GNA11: variants seen among roughly 807,000 people sequenced by gnomAD.
GNA11 encodes the protein G protein subunit alpha 11.
GNA11 carries 8 observed loss-of-function variants against 38.2 expected under a neutral mutation model. The ratio of observed to expected loss-of-function variants is 0.21; its 90% confidence interval spans 0.12 to 0.38. GNA11 has a LOEUF of 0.38. Ranked by LOEUF, GNA11 falls within the 10% of genes least tolerant of loss-of-function variation. The pLI is 1.00. For missense variants in GNA11, 268 were observed against 516.3 expected, an observed-to-expected ratio of 0.52 and a Z score of 4.66; for synonymous variants, 211 against 221.4, an observed-to-expected ratio of 0.95 and a Z score of 0.42.
chr19:3,095,767 C>T (rs2145301533), intron 1 of GNA11, among the ~76,000 whole-genome samples: 1 of 152,142 alleles, frequency 6.6e-6, no homozygotes, highest in East Asian at 1.9e-4. Flanking sequence ...CGCCCCCTTC[C>T]TTAGAGTCCT....
chr19:3,113,388 A>C lies in GNA11; in HGVS notation c.380A>C (p.Gln127Pro). Reference protein sequence around the residue: ...DVEKVTTFEHQYVSAIKTLWE... With the variant: ...DVEKVTTFEHPYVSAIKTLWE... ...GAGAAGGTGACCACCTTCGAGCATCAGTACGTCAGTGCCATCAAGACCCTG... is the reference window on the plus strand; with the variant it reads ...GAGAAGGTGACCACCTTCGAGCATCCGTACGTCAGTGCCATCAAGACCCTG... Residue 127 changes from glutamine to proline, a missense_variant, in exon 3 of 7, where the codon CAG (glutamine) becomes CCG (proline). Physicochemically the swap from Gln to Pro is moderately conservative, Grantham distance 76 (BLOSUM62 -1). Around this residue, in one of 3 missense-constraint regions of GNA11, gnomAD observed 151 missense variants for 254.0 expected, o/e 0.59. Transcript: ENST00000078429. The C allele has an allele frequency of 6.2e-7, 1 of 1,613,322 alleles. No individual in the cohort carries two copies. The highest frequency in any genetic ancestry group is 8.5e-7 in the Non-Finnish European group (1 of 1,179,706).
intron 1 of GNA11, among the ~76,000 whole-genome samples, chr19:3,099,480 G>T (rs182436565): frequency 7.0e-4 from 107 of 152,330 alleles, no homozygotes; most frequent in African/African-American, 2.5e-3. Context: ...GTTTGCTGGC[G>T]TGCAGGTGGT....
intron 2 of GNA11, among the ~76,000 whole-genome samples, chr19:3,111,816 C>A (rs947878344): frequency 6.6e-6 from 1 of 152,184 alleles, no homozygotes; most frequent in Non-Finnish European, 1.5e-5. Context: ...CAGTGGCCTC[C>A]CTGGGGCCTT....
chr19:3,122,025 C>T lies in GNA11; in HGVS notation c.*846C>T, dbSNP rs891520569. Reference sequence around the variant, plus strand: ...CCAACACTGGCTGCTTGGGGCTGCCCGGGGACTCCAGAGGGCTGCACGGCC... The same window carrying T: ...CCAACACTGGCTGCTTGGGGCTGCCTGGGGACTCCAGAGGGCTGCACGGCC... On this transcript the variant is annotated 3_prime_UTR_variant, in exon 7 of 7. Transcript: ENST00000078429. The surrounding 1 kb of genome is among the most constrained non-coding windows in gnomAD (Gnocchi z 7.7). 1.7e-4 allele frequency: 39 copies of T among 233,260 alleles called. No homozygotes were observed. Among genetic ancestry groups the T allele is most frequent in the African/African-American group, 7.0e-4 (32 of 45,402 alleles). 14.4% of individuals were successfully genotyped at this position (233,260 alleles called of 1,614,324 possible). A position where few individuals can be genotyped will look rare whatever the true frequency, so the allele number is the denominator to read the frequency against.
chr19:3,102,074 C>T (rs1346664328), intron 1 of GNA11, among the ~76,000 whole-genome samples: 2 of 151,802 alleles, frequency 1.3e-5, no homozygotes, highest in South Asian at 2.1e-4. Flanking sequence ...CCAGCCTGGG[C>T]GACCGAGGGA....
intron 1 of GNA11, among the ~76,000 whole-genome samples, chr19:3,097,374 C>T (rs1913397592): frequency 6.6e-6 from 1 of 152,162 alleles, no homozygotes; most frequent in Non-Finnish European, 1.5e-5. Context: ...CCCATGGCTC[C>T]CGTACAGCGT....
At chr19:3,096,515 G>T (rs569437654) in intron 1 of GNA11, among the ~76,000 whole-genome samples, 1 of 152,310 alleles carries the variant, frequency 6.6e-6, no homozygotes, top group East Asian at 1.9e-4. Context: ...GCATGCACCC[G>T]GTCTTCTGTG....
rs1319899289 is a variant in GNA11, at chr19:3,123,055, T to C, written c.*1876T>C. On this transcript the variant is annotated 3_prime_UTR_variant, in exon 7 of 7. Transcript: ENST00000078429. ...GCCAGAAGCCCCCCATGGCGAGTGC[T>C]GGGGCCCGGCGGTGCCCTGGGGGAG... 2.1e-5 allele frequency: 5 copies of C among 233,230 alleles called. No homozygotes were observed. Among genetic ancestry groups the C allele is most frequent in the Non-Finnish European group, 4.2e-5 (5 of 118,144 alleles). 14.4% of individuals were successfully genotyped at this position (233,230 alleles called of 1,614,324 possible). A position where few individuals can be genotyped will look rare whatever the true frequency, so the allele number is the denominator to read the frequency against.
chr19:3,106,919 G>A (rs1014826215), intron 1 of GNA11, among the ~76,000 whole-genome samples: 1 of 152,238 alleles, frequency 6.6e-6, no homozygotes. Context: ...CAGGGCTGTG[G>A]TTGTCATTTT....
Position 3,119,374 on chromosome 19 carries a change from G to A in GNA11, c.889+15G>A, listed in dbSNP as rs373562448. ...CGAGTTCGATGGTGCGCCGGGCTGCGGCATGGGGAGGGGCTCGCGGGCAGG... is the reference window on the plus strand; with the variant it reads ...CGAGTTCGATGGTGCGCCGGGCTGCAGCATGGGGAGGGGCTCGCGGGCAGG... On this transcript the variant is annotated intron_variant, in intron 6 of 6. Transcript: ENST00000078429. The surrounding 1 kb of genome is among the most constrained non-coding windows in gnomAD (Gnocchi z 4.6). 32 of 1,611,988 alleles carry A rather than the reference G, an allele frequency of 2.0e-5. No homozygotes were observed. Among genetic ancestry groups the A allele is most frequent in the African/African-American group, 2.7e-5 (2 of 74,854 alleles).
At chr19:3,114,747 G>C (rs1257011302) in intron 3 of GNA11, among the ~76,000 whole-genome samples, 197 bp from the exon 4 acceptor site, 1 of 152,172 alleles carries the variant, frequency 6.6e-6, no homozygotes, top group Non-Finnish European at 1.5e-5. Context: ...GATAGAGGTT[G>C]GGAGGCTCGT....
chr19:3,101,464 G>A (rs1913505306), intron 1 of GNA11, among the ~76,000 whole-genome samples: 1 of 152,200 alleles, frequency 6.6e-6, no homozygotes, highest in Non-Finnish European at 1.5e-5. Context: ...CTTTTCTCCA[G>A]CCACACTGGT....
In GNA11 at chr19:3,108,951, G is replaced by A. The variant is rs955887060; in HGVS notation, c.137-1198G>A. ...GCTGCTTGAGGGTCCTCACAGCGTGGCGGCTGCCTACCCCAGAGCCCCTGA... is the reference window on the plus strand; with the variant it reads ...GCTGCTTGAGGGTCCTCACAGCGTGACGGCTGCCTACCCCAGAGCCCCTGA... On this transcript the variant is annotated intron_variant, in intron 1 of 6. Coordinates refer to ENST00000078429, the MANE Select transcript of GNA11 (RefSeq NM_002067.5). This position sits in a 1 kb window ranked among gnomAD's most constrained non-coding sequence, Gnocchi z 4.5. Among the ~76,000 whole-genome samples, 1 of 152,204 alleles carries A rather than the reference G, an allele frequency of 6.6e-6. No individual in the cohort carries two copies. The highest frequency in any genetic ancestry group is 2.4e-5 in the African/African-American group (1 of 41,454).
rs760497682 is a variant in GNA11 at position 3,103,519 on chromosome 19, C to CTTTTTTTTTTTTTTTT, written c.137-6614_137-6599dup. Among the ~76,000 whole-genome samples, 30 of 45,814 alleles carry CTTTTTTTTTTTTTTTT rather than the reference C, an allele frequency of 6.5e-4. 8 individuals carry two copies. Among genetic ancestry groups the CTTTTTTTTTTTTTTTT allele is most frequent in the Admixed American group, 1.0e-3 (3 of 2,876 alleles). The allele number at this position is 45,814 out of a possible 152,430, so 30.1% of individuals were successfully genotyped here. A position where few individuals can be genotyped will look rare whatever the true frequency, so the allele number is the denominator to read the frequency against. The stretch of plus-strand genomic sequence containing the variant: ...TGAGCCACTGCGCCCGGCCTTGAAT[C>CTTTTTTTTTTTTTTTT]TTTTTTTTTTTTTTTTTTTTTTTTT... On this transcript the variant is annotated intron_variant, in intron 1 of 6. Transcript: ENST00000078429.
intron 1 of GNA11, among the ~76,000 whole-genome samples, chr19:3,103,001 C>T (rs1478160206): frequency 2.0e-5 from 3 of 152,312 alleles, no homozygotes; most frequent in Non-Finnish European, 4.4e-5. Flanking sequence ...GTGCACTGGC[C>T]TGGCCTCCCC....
chr19:3,109,300 T>TG (rs1913708532), intron 1 of GNA11, among the ~76,000 whole-genome samples: 3 of 152,046 alleles, frequency 2.0e-5, no homozygotes, highest in Admixed American at 1.3e-4. Context: ...CCAGAATGTG[T>TG]GGGGGGCTCA....
chr19:3,118,795 G>T, intron 4 of GNA11, 129 bp from the exon 5 acceptor site: 2 of 847,568 alleles, frequency 2.4e-6, no homozygotes, highest in Non-Finnish European at 1.9e-6. Context: ...TTCTAAGAGT[G>T]GGGGCTCTTC....
In GNA11 at chr19:3,123,465, C is replaced by G; in HGVS notation, c.*2286C>G. ...AGTGGCACCCAGGGGCAAGGACAGC[C>G]AACCCCCACCCTTGCCACGTGTGGG... On this transcript the variant is annotated 3_prime_UTR_variant, in exon 7 of 7. Transcript: ENST00000078429. 1 of 233,358 alleles carries G rather than the reference C, an allele frequency of 4.3e-6. No homozygotes were observed. Among genetic ancestry groups the G allele is most frequent in the Non-Finnish European group, 8.5e-6 (1 of 118,066 alleles). 14.5% of individuals were successfully genotyped at this position (233,358 alleles called of 1,614,324 possible).
Position 3,120,848 on chromosome 19 carries a change from G to A in GNA11, c.890-141G>A, listed in dbSNP as rs1195065616. Reference sequence around the variant, plus strand: ...TGGGGAGGGAGGGGAGCTGCGGCCCGTCAGGCATGCAGTGGGCTGGGGGTC... The same window carrying A: ...TGGGGAGGGAGGGGAGCTGCGGCCCATCAGGCATGCAGTGGGCTGGGGGTC... On this transcript the variant is annotated intron_variant, in intron 6 of 6. Transcript: ENST00000078429. This position sits in a 1 kb window ranked among gnomAD's most constrained non-coding sequence, Gnocchi z 5.9. 9 of 610,306 alleles carry A rather than the reference G, an allele frequency of 1.5e-5. No homozygotes were observed. The highest frequency in any genetic ancestry group is 3.7e-5 in the African/African-American group (2 of 53,834). The allele number at this position is 610,306 out of a possible 1,614,324, so 37.8% of individuals were successfully genotyped here.
Sources: allele counts gnomAD v4.1 joint callset (sites outside exome capture counted in the v4.1 genomes callset), GRCh38; gene constraint gnomAD v4.1.1; regional missense constraint gnomAD v4.1.1; non-coding constraint Gnocchi (gnomAD v3.1); transcripts MANE v1.5; gene names NCBI Gene and HGNC (gene_info 2026-07-23, HGNC 2026-07-21).